Variants in PLCH1 observed in about 807,000 individuals in gnomAD.
PLCH1 encodes phospholipase C eta 1.
A neutral mutation model predicts 126.7 loss-of-function variants in PLCH1; 60 were observed. The observed-to-expected ratio is 0.47, with a 90% CI of 0.38 to 0.59. The LOEUF (loss-of-function observed/expected upper bound fraction) is 0.59, where lower values mean the gene tolerates loss of function less well. Ranked by LOEUF, PLCH1 falls within the 20% of genes least tolerant of loss-of-function variation. The pLI, the probability that PLCH1 is intolerant of heterozygous loss-of-function variation, is 0.00. For missense variants in PLCH1, 1,723 were observed against 2,040.0 expected (o/e 0.84, Z 2.99); for synonymous variants, 719 against 734.9 (o/e 0.98, Z 0.35).
intron 2 of PLCH1, among the ~76,000 whole-genome samples, chr3:155,599,599 A>G (rs1047625693): frequency 1.3e-5 from 2 of 152,188 alleles, no homozygotes; most frequent in Non-Finnish European, 2.9e-5. Context: ...ATAATTTAGG[A>G]AGATGTTTCC....
intron 21 of PLCH1, among the ~76,000 whole-genome samples, chr3:155,472,651 T>G (rs1467611270): frequency 1.3e-5 from 2 of 151,728 alleles, no homozygotes; most frequent in Admixed American, 1.3e-4. Flanking sequence ...ACCAATATCC[T>G]TGATGAACAT....
At chr3:155,676,260 T>A in intron 2 of PLCH1, 1 of 1,201,874 alleles carries the variant, frequency 8.3e-7, no homozygotes, top group Non-Finnish European at 1.0e-6. Context: ...GAGATATGAT[T>A]ATAGAACTTT....
intron 10 of PLCH1, among the ~76,000 whole-genome samples, chr3:155,549,259 C>A (rs1725788098): frequency 1.3e-5 from 2 of 152,218 alleles, no homozygotes; most frequent in Admixed American, 1.3e-4. Flanking sequence ...ACTGCTCTTT[C>A]ACACGTACAT....
At chr3:155,605,308 C>G (rs372930211) in intron 2 of PLCH1, among the ~76,000 whole-genome samples, 1 of 152,168 alleles carries the variant, frequency 6.6e-6, no homozygotes, top group East Asian at 1.9e-4. Flanking sequence ...AAGCCCATTT[C>G]TGAGAGTAAA....
intron 2 of PLCH1, among the ~76,000 whole-genome samples, chr3:155,672,379 A>T (rs923570401): frequency 1.3e-5 from 2 of 152,224 alleles, no homozygotes; most frequent in African/African-American, 2.4e-5. Flanking sequence ...ACAGCTCTGT[A>T]GAACAGACTA....
rs1162846300 is a variant in PLCH1, at chr3:155,566,260, CACATATATATACATATATACATATATAT to C, written c.866-1170_866-1143del. On this transcript the variant is annotated intron_variant, in intron 7 of 22. Coordinates refer to ENST00000460012, the MANE Select transcript of PLCH1 (RefSeq NM_014996.4). ...ATATACATATATATACGTATATATACACATATATATACATATATACATATATATACGTATATATACACATATATATACA... is the reference window on the plus strand; with the variant it reads ...ATATACATATATATACGTATATATACACGTATATATACACATATATATACA... 1.2e-3 allele frequency among the ~76,000 whole-genome samples: 71 copies of C among 58,824 alleles called. 23 individuals carry two copies. Among genetic ancestry groups the C allele is most frequent in the Non-Finnish European group, 2.0e-3 (50 of 24,874 alleles). The allele number at this position is 58,824 out of a possible 152,430, so 38.6% of individuals were successfully genotyped here. A position where few individuals can be genotyped will look rare whatever the true frequency, so the allele number is the denominator to read the frequency against.
At chr3:155,654,237 G>T (rs985692371) in intron 2 of PLCH1, among the ~76,000 whole-genome samples, 2 of 151,652 alleles carry the variant, frequency 1.3e-5, no homozygotes, top group African/African-American at 4.9e-5. Flanking sequence ...ATCCTCCTTG[G>T]TTTACTTTGT....
At chr3:155,551,192 C>T (rs184240722) in intron 9 of PLCH1, among the ~76,000 whole-genome samples, 98 of 152,110 alleles carry the variant, frequency 6.4e-4, no homozygotes, top group Admixed American at 1.4e-3. Context: ...TGCCTGTAAT[C>T]CCAGCACTTT....
intron 1 of PLCH1, chr3:155,743,101 A>C (rs1339768264): frequency 3.6e-6 from 1 of 278,160 alleles, no homozygotes; most frequent in Middle Eastern, 7.6e-4. Context: ...GTTTAAGAAA[A>C]ATAAGCAAGA....
intron 2 of PLCH1, among the ~76,000 whole-genome samples, chr3:155,615,241 C>G (rs1424357726): frequency 2.6e-5 from 4 of 152,112 alleles, no homozygotes; most frequent in African/African-American, 7.2e-5. Flanking sequence ...GCGATACCAC[C>G]TTACTCCTGC....
intron 1 of PLCH1, among the ~76,000 whole-genome samples, chr3:155,707,674 A>C (rs988327481): frequency 2.7e-5 from 4 of 150,926 alleles, no homozygotes; most frequent in African/African-American, 9.8e-5. Flanking sequence ...AAAAAAAAAA[A>C]CGGTGAAAGA....
chr3:155,493,659 T>C (rs1311556703), intron 17 of PLCH1, among the ~76,000 whole-genome samples: 4 of 152,228 alleles, frequency 2.6e-5, no homozygotes, highest in Non-Finnish European at 5.9e-5. Flanking sequence ...GTGCTGGAAT[T>C]ACAGGCGTCA....
intron 6 of PLCH1, among the ~76,000 whole-genome samples, chr3:155,577,822 A>G (rs1231763634): frequency 1.3e-5 from 2 of 152,338 alleles, no homozygotes; most frequent in East Asian, 3.9e-4. Context: ...AACTGGGGTA[A>G]TTCCACTAGC....
chr3:155,594,939 C>A (rs1028905275), intron 3 of PLCH1, among the ~76,000 whole-genome samples: 4 of 152,184 alleles, frequency 2.6e-5, no homozygotes, highest in African/African-American at 9.7e-5. Flanking sequence ...GAATTTCTGA[C>A]AATCAAATAG....
At chr3:155,548,814 T>C (rs767870574) in intron 10 of PLCH1, among the ~76,000 whole-genome samples, 14 of 152,218 alleles carry the variant, frequency 9.2e-5, no homozygotes, top group Non-Finnish European at 1.5e-4. Flanking sequence ...ATTCAGAATC[T>C]ATAATTTTAT....
chr3:155,709,816 T>C (rs1352596255), intron 1 of PLCH1, among the ~76,000 whole-genome samples: 1 of 152,236 alleles, frequency 6.6e-6, no homozygotes, highest in East Asian at 1.9e-4. Flanking sequence ...CAGGGTCCCA[T>C]TACGTTGCCC....
chr3:155,538,149 GT>G (rs1381949993), intron 10 of PLCH1, among the ~76,000 whole-genome samples: 2 of 152,052 alleles, frequency 1.3e-5, no homozygotes, highest in African/African-American at 2.4e-5. Context: ...CTGAATAATT[GT>G]TGCGTCAACA....
chr3:155,513,780 T>C (rs960862872), intron 12 of PLCH1, among the ~76,000 whole-genome samples: 1 of 152,184 alleles, frequency 6.6e-6, no homozygotes, highest in Non-Finnish European at 1.5e-5. Flanking sequence ...TGACAAGAGC[T>C]TCAGAGGTAA....
intron 10 of PLCH1, among the ~76,000 whole-genome samples, chr3:155,547,305 G>T (rs1725471086): frequency 6.6e-6 from 1 of 151,794 alleles, no homozygotes; most frequent in East Asian, 1.9e-4. Flanking sequence ...ACCATCACTA[G>T]CCATCAGAGA....
Sources: allele counts gnomAD v4.1 joint callset (sites outside exome capture counted in the v4.1 genomes callset), GRCh38; gene constraint gnomAD v4.1.1; transcripts MANE v1.5; gene names NCBI Gene and HGNC (gene_info 2026-07-23, HGNC 2026-07-21).